Variants in CHRM2 observed in about 807,000 individuals in gnomAD.
CHRM2 encodes the protein muscarinic acetylcholine receptor M2.
In CHRM2, 8 loss-of-function variants were observed where a neutral mutation model predicts 25.0. That is an observed-to-expected ratio of 0.32 (90% CI 0.19 to 0.58). The LOEUF is 0.58. Among genes scored for constraint, CHRM2 ranks in the 20% least tolerant of loss-of-function variants. The pLI is 0.88. For synonymous variants in CHRM2, 202 were observed against 205.7 expected (o/e 0.98, Z 0.15); for missense variants, 440 against 567.1 (o/e 0.78, Z 2.28).
rs1563130360 is a variant in CHRM2, at chr7:137,016,421, C to T, written c.*155C>T. ...GCCCAGCAGTGACACACTTATCACG[C>T]CTAGGCTCCAGTTTGCAAAAATTGC... On this transcript the variant is annotated 3_prime_UTR_variant, in exon 4 of 4. Transcript: ENST00000680005. 2 of 797,456 alleles carry T rather than the reference C, an allele frequency of 2.5e-6. No homozygotes were observed. The highest frequency in any genetic ancestry group is 4.0e-6 in the Non-Finnish European group (2 of 494,276). 49.4% of individuals were successfully genotyped at this position (797,456 alleles called of 1,614,324 possible).
Position 136,869,592 on chromosome 7 carries a change from G to A in CHRM2, c.-125+174G>A, listed in dbSNP as rs573613344. Among the ~76,000 whole-genome samples the A allele has an allele frequency of 1.3e-5, 2 of 152,320 alleles. No homozygotes were observed. The highest frequency in any genetic ancestry group is 2.1e-4 in the South Asian group (1 of 4,828). On this transcript the variant is annotated intron_variant, in intron 2 of 3. Coordinates refer to ENST00000680005, the MANE Select transcript of CHRM2 (RefSeq NM_001006630.2). The surrounding 1 kb of genome is among the most constrained non-coding windows in gnomAD (Gnocchi z 4.9). ...TCAAACGGAAACTTTGGATCCTGGG[G>A]CTTGGAGGGTTGCGAGCAGTGATGG...
chr7:137,018,316 C>A lies in CHRM2; in HGVS notation c.*2050C>A, dbSNP rs1180045498. ...CTGTTTAAATAACTTCAGTCATTAC[C>A]CCCCCAAAGTAATCTTCCATATTTA... On this transcript the variant is annotated 3_prime_UTR_variant, in exon 4 of 4. Coordinates refer to ENST00000680005, the MANE Select transcript of CHRM2 (RefSeq NM_001006630.2). The A allele has an allele frequency of 4.0e-5, 6 of 151,008 alleles. No individual in the cohort carries two copies. The highest frequency in any genetic ancestry group is 6.6e-5 in the Admixed American group (1 of 15,152). 9.4% of individuals were successfully genotyped at this position (151,008 alleles called of 1,614,324 possible).
intron 2 of CHRM2, among the ~76,000 whole-genome samples, chr7:136,952,619 CATAG>C (rs1246742636): frequency 2.0e-5 from 3 of 151,960 alleles, no homozygotes; most frequent in Non-Finnish European, 2.9e-5. Context: ...AGGTTTTTTG[CATAG>C]ATAAACTTGT....
At chr7:136,956,339 T>C (rs1800722480) in intron 2 of CHRM2, among the ~76,000 whole-genome samples, 1 of 152,172 alleles carries the variant, frequency 6.6e-6, no homozygotes, top group Non-Finnish European at 1.5e-5. Context: ...TACTATTTAT[T>C]TTCTGTTTGA....
Position 137,015,711 on chromosome 7 carries a change from C to T in CHRM2, c.846C>T (p.Ser282=). The T allele has an allele frequency of 6.2e-7, 1 of 1,613,218 alleles. No individual in the cohort carries two copies. The highest frequency in any genetic ancestry group is 1.1e-5 in the South Asian group (1 of 91,072). Residue 282 remains serine (S), a synonymous_variant, in exon 4 of 4, where the codon AGC becomes AGT. Transcript: ENST00000680005. The surrounding 1 kb of genome is among the most constrained non-coding windows in gnomAD (Gnocchi z 5.1). ...ENCVQGEEKE[S]SNDSTSVSAV... Reference sequence around the variant, plus strand: ...GTGTTCAGGGAGAGGAGAAGGAGAGCTCCAATGACTCCACCTCAGTCAGTG... The same window carrying T: ...GTGTTCAGGGAGAGGAGAAGGAGAGTTCCAATGACTCCACCTCAGTCAGTG...
chr7:136,925,620 TGTAA>T (rs1584766626), intron 2 of CHRM2, among the ~76,000 whole-genome samples: 1 of 151,756 alleles, frequency 6.6e-6, no homozygotes, highest in Non-Finnish European at 1.5e-5. Flanking sequence ...TCCAATATCA[TGTAA>T]GTAAGAGAGG....
intron 2 of CHRM2, among the ~76,000 whole-genome samples, chr7:136,907,138 G>A (rs1039492753): frequency 6.6e-5 from 10 of 151,906 alleles, no homozygotes; most frequent in Non-Finnish European, 1.3e-4. Context: ...CAAGTGATGG[G>A]CAGTGGCTGT....
intron 2 of CHRM2, among the ~76,000 whole-genome samples, chr7:136,913,661 A>G (rs1481444578): frequency 1.3e-5 from 2 of 151,914 alleles, no homozygotes; most frequent in Non-Finnish European, 2.9e-5. Context: ...TGTTGCCCTA[A>G]TAACTTATGA....
intron 2 of CHRM2, among the ~76,000 whole-genome samples, chr7:136,959,004 A>C (rs79302315): frequency 0.012 from 1,807 of 152,074 alleles, 37 homozygotes; most frequent in African/African-American, 0.041. Context: ...GCTTTTAGAG[A>C]TGTCTGAAAA....
At chr7:136,885,486 C>T (rs1343977236) in intron 2 of CHRM2, among the ~76,000 whole-genome samples, 3 of 152,216 alleles carry the variant, frequency 2.0e-5, no homozygotes, top group African/African-American at 7.2e-5. Context: ...TTTAAACTTA[C>T]ATTTCTGTCC....
chr7:136,979,538 G>A (rs1294905298), intron 2 of CHRM2, among the ~76,000 whole-genome samples: 1 of 152,112 alleles, frequency 6.6e-6, no homozygotes. Context: ...TATCCGTAAT[G>A]GTATTGCCTA....
chr7:136,992,705 G>A (rs1803311358), intron 3 of CHRM2, among the ~76,000 whole-genome samples: 2 of 152,104 alleles, frequency 1.3e-5, no homozygotes, highest in African/African-American at 4.8e-5. Context: ...ACTACCATCA[G>A]TAACAAGGAT....
chr7:136,918,671 C>T (rs1584754422), intron 2 of CHRM2, among the ~76,000 whole-genome samples: 1 of 152,046 alleles, frequency 6.6e-6, no homozygotes, highest in East Asian at 1.9e-4. Context: ...AGTGATCCTC[C>T]CCTGTTAGCT....
In CHRM2 at chr7:136,888,568, T is replaced by G. The variant is rs561623510; in HGVS notation, c.-125+19150T>G. Among the ~76,000 whole-genome samples the G allele has an allele frequency of 9.3e-4, 141 of 152,074 alleles. 1 individual carries two copies. The highest frequency in any genetic ancestry group is 3.2e-3 in the African/African-American group (133 of 41,464). ...AAAGGTCTCTGTGGTGGGGAGTGAG[T>G]TTAAGAAATGAGGGATTGGCATTTT... On this transcript the variant is annotated intron_variant, in intron 2 of 3. Coordinates refer to ENST00000680005, the MANE Select transcript of CHRM2 (RefSeq NM_001006630.2).
intron 2 of CHRM2, among the ~76,000 whole-genome samples, chr7:136,934,464 C>T (rs552250857): frequency 1.3e-5 from 2 of 152,252 alleles, no homozygotes; most frequent in Admixed American, 1.3e-4. Context: ...CCAAATAACT[C>T]TTCCATCATC....
chr7:136,965,370 T>C (rs1263397549), intron 2 of CHRM2, among the ~76,000 whole-genome samples: 1 of 152,064 alleles, frequency 6.6e-6, no homozygotes, highest in Non-Finnish European at 1.5e-5. Context: ...GAGGAAGTAA[T>C]GAATGGAATT....
chr7:136,981,403 C>A (rs1025446721), intron 2 of CHRM2, among the ~76,000 whole-genome samples: 7 of 152,190 alleles, frequency 4.6e-5, no homozygotes, highest in Admixed American at 4.6e-4. Flanking sequence ...CTCCTGGATT[C>A]AATGAATTTT....
chr7:137,008,080 A>T (rs1804567549), intron 3 of CHRM2, among the ~76,000 whole-genome samples: 1 of 152,130 alleles, frequency 6.6e-6, no homozygotes, highest in Non-Finnish European at 1.5e-5. Context: ...GTCAGAAAAA[A>T]AATATAGCTG....
At chr7:136,930,671 G>T (rs970876753) in intron 2 of CHRM2, among the ~76,000 whole-genome samples, 1 of 151,964 alleles carries the variant, frequency 6.6e-6, no homozygotes, top group Non-Finnish European at 1.5e-5. Flanking sequence ...GCCAAGGAGG[G>T]TGGATCACGA....
Sources: gnomAD v4.1 joint callset for allele counts (sites outside exome capture counted in the v4.1 genomes callset) on GRCh38, gnomAD v4.1.1 for gene constraint, Gnocchi (gnomAD v3.1) non-coding constraint, MANE v1.5 for transcripts, NCBI Gene and HGNC (gene_info 2026-07-23, HGNC 2026-07-21) for gene names.